JPH3: variants seen among roughly 807,000 people sequenced by gnomAD.
JPH3 encodes junctophilin 3.
JPH3 carries 11 observed loss-of-function variants against 59.6 expected under a neutral mutation model. That is an observed-to-expected ratio of 0.18 (90% confidence interval 0.12 to 0.31). JPH3 has a LOEUF of 0.31. Among genes scored for constraint, JPH3 ranks in the 10% least tolerant of loss-of-function variants. JPH3 has a pLI of 1.00. For synonymous variants in JPH3, 673 were observed against 483.6 expected (o/e 1.39, Z -5.14); for missense variants, 1,202 against 1,105.7 (o/e 1.09, Z -1.24).
At chr16:87,610,228 C>T (rs1462798225) in intron 1 of JPH3, among the ~76,000 whole-genome samples, 3 of 152,180 alleles carry the variant, frequency 2.0e-5, no homozygotes, top group Non-Finnish European at 4.4e-5. Context: ...CTTACTCACT[C>T]GCCACTCACC....
intron 2 of JPH3, among the ~76,000 whole-genome samples, chr16:87,673,289 C>G (rs538911478): frequency 2.0e-5 from 3 of 148,960 alleles, no homozygotes; most frequent in Non-Finnish European, 4.4e-5. Context: ...GGAGATAATG[C>G]TGGGTTTCAC....
intron 2 of JPH3, among the ~76,000 whole-genome samples, chr16:87,651,753 C>G (rs2032331125): frequency 6.6e-6 from 1 of 152,244 alleles, no homozygotes. Context: ...GCGATGGAAT[C>G]TACTCCTGGC....
rs77410169 is a variant in JPH3, at chr16:87,640,327, C to CAAA, written c.383-3923_383-3921dup. ...CTGGCGACAGAGCAAGACTCCATCT[C>CAAA]AAAAAAAAAAGGGTTGTCCGGTTAC... On this transcript the variant is annotated intron_variant, in intron 1 of 4. Coordinates refer to ENST00000284262, the MANE Select transcript of JPH3 (RefSeq NM_020655.4). Among the ~76,000 whole-genome samples the CAAA allele has an allele frequency of 5.2e-3, 757 of 145,522 alleles. 9 individuals are homozygous for CAAA. Among genetic ancestry groups the CAAA allele is most frequent in the African/African-American group, 0.018 (723 of 39,830 alleles).
intron 1 of JPH3, among the ~76,000 whole-genome samples, chr16:87,618,146 A>G (rs999435180): frequency 2.6e-5 from 4 of 152,236 alleles, no homozygotes; most frequent in Non-Finnish European, 5.9e-5. Context: ...CCTGGGCGAC[A>G]TAATGAGACG....
chr16:87,613,312 G>T (rs1345664083), intron 1 of JPH3, among the ~76,000 whole-genome samples: 5 of 150,892 alleles, frequency 3.3e-5, no homozygotes, highest in Admixed American at 6.6e-5. Flanking sequence ...TGTTAGCCAG[G>T]ATGGTCTCGA....
rs773425666 is a variant in JPH3, at chr16:87,623,760, A to ACCCT, written c.382+20234_382+20237dup. 5.3e-5 allele frequency among the ~76,000 whole-genome samples: 8 copies of ACCCT among 151,884 alleles called. 1 individual carries two copies. The highest frequency in any genetic ancestry group is 6.4e-3 in the Middle Eastern group (2 of 314). On this transcript the variant is annotated intron_variant, in intron 1 of 4. Coordinates refer to ENST00000284262, the MANE Select transcript of JPH3 (RefSeq NM_020655.4). The stretch of plus-strand genomic sequence containing the variant: ...CCCCCACAACGCATGGGCCACAAGG[A>ACCCT]CCCTCTGGGCAGATTTTGGGGTGTC...
At chr16:87,647,221 C>T (rs948066129) in intron 2 of JPH3, among the ~76,000 whole-genome samples, 11 of 141,036 alleles carry the variant, frequency 7.8e-5, no homozygotes, top group African/African-American at 2.5e-4. Flanking sequence ...GGGGCTGGGC[C>T]GGGAGGGCGA....
At position 87,644,292 on chromosome 16, in the gene JPH3, C is replaced by A; in HGVS notation, c.417C>A (p.Arg139=). The change falls in exon 2 of 5, where the codon CGC becomes CGA. Residue 139 remains arginine (R), a synonymous_variant. Transcript: ENST00000284262. ...TYQGQWVGGM[R]QGYGVRQSVP... ...AGGGCCAGTGGGTCGGTGGCATGCG[C>A]CAGGGCTACGGCGTCCGGCAGAGCG... 6.2e-7 allele frequency: 1 copy of A among 1,611,830 alleles called. No individual in the cohort carries two copies. Among genetic ancestry groups the A allele is most frequent in the Non-Finnish European group, 8.5e-7 (1 of 1,179,398 alleles).
chr16:87,620,137 C>T (rs551200713), intron 1 of JPH3, among the ~76,000 whole-genome samples: 3 of 152,142 alleles, frequency 2.0e-5, no homozygotes, highest in Non-Finnish European at 4.4e-5. Context: ...GTGTGGGAGT[C>T]ACCTGGGCTC....
intron 2 of JPH3, among the ~76,000 whole-genome samples, chr16:87,661,041 C>A (rs1370441445): frequency 6.6e-6 from 1 of 152,170 alleles, no homozygotes; most frequent in Non-Finnish European, 1.5e-5. Flanking sequence ...GAGGATGGGA[C>A]CCAAGTCTAA....
intron 4 of JPH3, chr16:87,693,996 G>C (rs541493814): frequency 5.4e-4 from 82 of 152,408 alleles, no homozygotes; most frequent in African/African-American, 1.9e-3. Flanking sequence ...GTGTTGGCAG[G>C]AGCCTCCCGA....
chr16:87,658,341 C>CCT (rs894195900), intron 2 of JPH3, among the ~76,000 whole-genome samples: 1 of 151,758 alleles, frequency 6.6e-6, no homozygotes, highest in Non-Finnish European at 1.5e-5. Context: ...TCTCTGTTTC[C>CCT]CTCTCTCTCT....
intron 1 of JPH3, among the ~76,000 whole-genome samples, chr16:87,622,888 G>A (rs1052230199): frequency 6.6e-6 from 1 of 152,186 alleles, no homozygotes; most frequent in African/African-American, 2.4e-5. Flanking sequence ...TCCAGGGCTG[G>A]CAAGGCATTG....
chr16:87,642,462 G>C (rs1048262168), intron 1 of JPH3, among the ~76,000 whole-genome samples: 2 of 152,202 alleles, frequency 1.3e-5, no homozygotes, highest in African/African-American at 4.8e-5. Flanking sequence ...CAAATCTCTT[G>C]GTTTTGAGTT....
intron 1 of JPH3, among the ~76,000 whole-genome samples, chr16:87,643,450 C>A (rs923507028): frequency 6.6e-6 from 1 of 151,550 alleles, no homozygotes; most frequent in Non-Finnish European, 1.5e-5. Flanking sequence ...CTGTCCCTTC[C>A]CTATGCCCTT....
chr16:87,620,455 G>GAA (rs1567584948), intron 1 of JPH3, among the ~76,000 whole-genome samples: 1 of 140,424 alleles, frequency 7.1e-6, no homozygotes, highest in African/African-American at 2.8e-5. Context: ...AGAGAGAGAA[G>GAA]GAGAGAGAGG....
At chr16:87,635,868 A>G (rs2150838592) in intron 1 of JPH3, among the ~76,000 whole-genome samples, 1 of 152,276 alleles carries the variant, frequency 6.6e-6, no homozygotes, top group South Asian at 2.1e-4. Context: ...CGGAGGCAGC[A>G]CCGACATCCA....
intron 4 of JPH3, among the ~76,000 whole-genome samples, chr16:87,691,481 C>T (rs535809919): frequency 3.9e-5 from 6 of 152,046 alleles, no homozygotes; most frequent in Non-Finnish European, 8.8e-5. Context: ...CCGCAGGGGG[C>T]GCTCAGGGCG....
chr16:87,629,151 G>A (rs2031480702), intron 1 of JPH3, among the ~76,000 whole-genome samples: 1 of 152,108 alleles, frequency 6.6e-6, no homozygotes, highest in Non-Finnish European at 1.5e-5. Flanking sequence ...GTGTCATGGG[G>A]AAGTGACTCC....
Sources: gnomAD v4.1 joint callset for allele counts (sites outside exome capture counted in the v4.1 genomes callset) on GRCh38, gnomAD v4.1.1 for gene constraint, MANE v1.5 for transcripts, NCBI Gene and HGNC (gene_info 2026-07-23, HGNC 2026-07-21) for gene names.